The following TOX3 variants were observed in gnomAD, a reference collection of about 807,000 sequenced individuals.
TOX3 encodes CAG trinucleotide repeat-containing gene F9 protein.
TOX3 carries 22 observed loss-of-function variants against 64.3 expected under a neutral mutation model. The observed-to-expected ratio is 0.34, with a 90% CI of 0.24 to 0.49. The LOEUF (loss-of-function observed/expected upper bound fraction) is 0.49. Among genes scored for constraint, TOX3 ranks in the 20% least tolerant of loss-of-function variants. TOX3 has a pLI of 0.99. For missense variants in TOX3, 661 were observed against 714.4 expected (o/e 0.93, Z 0.85); for synonymous variants, 291 against 273.6 (o/e 1.06, Z -0.63).
At chr16:52,481,581 G>T (rs189609602) in intron 1 of TOX3, among the ~76,000 whole-genome samples, 7 of 152,236 alleles carry the variant, frequency 4.6e-5, no homozygotes, top group Admixed American at 3.3e-4. Context: ...TACATCTGAG[G>T]TCTATTAATG....
intron 1 of TOX3, among the ~76,000 whole-genome samples, chr16:52,536,000 A>C (rs933824604): frequency 3.8e-4 from 58 of 152,346 alleles, no homozygotes; most frequent in African/African-American, 1.3e-3. Flanking sequence ...CTATGTCAAC[A>C]CATATTCACT....
chr16:52,484,135 G>A (rs537171295), intron 1 of TOX3, among the ~76,000 whole-genome samples: 1 of 152,252 alleles, frequency 6.6e-6, no homozygotes, highest in Admixed American at 6.5e-5. Flanking sequence ...TTTAAAAGGA[G>A]CCTAAAGTTC....
chr16:52,445,994 C>T lies in TOX3; in HGVS notation c.906G>A (p.Gln302=). ...MWDSLGEEQK[Q]VYKRKTEAAK... ...GAGCCTTGATGGGTCTTTGTCTCAC[C>T]TGCTTTTGTTCTTCTCCAAGGCTGT... The change falls in exon 5 of 7, where the codon CAG becomes CAA. Residue 302 remains glutamine (Q), a splice_region_variant and synonymous_variant. Coordinates refer to ENST00000219746, the MANE Select transcript of TOX3 (RefSeq NM_001080430.4). 2 of 1,612,406 alleles carry T rather than the reference C, an allele frequency of 1.2e-6. No homozygotes were observed. The highest frequency in any genetic ancestry group is 1.7e-6 in the Non-Finnish European group (2 of 1,178,624).
chr16:52,485,265 T>C (rs1463911467), intron 1 of TOX3, among the ~76,000 whole-genome samples: 1 of 147,162 alleles, frequency 6.8e-6, no homozygotes, highest in Admixed American at 6.8e-5. Context: ...TATATATATA[T>C]ATATATACAT....
chr16:52,499,057 GT>G (rs1168936847), intron 1 of TOX3, among the ~76,000 whole-genome samples: 2 of 152,152 alleles, frequency 1.3e-5, no homozygotes, highest in Non-Finnish European at 2.9e-5. Flanking sequence ...AATAAGAGAG[GT>G]GCTGATTTGA....
chr16:52,516,106 G>T (rs1962447300), intron 1 of TOX3, among the ~76,000 whole-genome samples: 1 of 152,232 alleles, frequency 6.6e-6, no homozygotes, highest in African/African-American at 2.4e-5. Context: ...CTGGTCCAAA[G>T]TGTTGGTATT....
chr16:52,504,624 G>C (rs1442419146), intron 1 of TOX3, among the ~76,000 whole-genome samples: 1 of 152,146 alleles, frequency 6.6e-6, no homozygotes, highest in Non-Finnish European at 1.5e-5. Flanking sequence ...GAGACTTAAA[G>C]GATGGAAGAA....
chr16:52,519,199 G>C lies in TOX3; in HGVS notation c.87+27438C>G, dbSNP rs572342629. ...TCAGTTATCTACAAATACTGCGGGG[G>C]CCACAAATTGTTTAAAGCCACTGAA... On this transcript the variant is annotated intron_variant, in intron 1 of 6. Transcript: ENST00000219746. Among the ~76,000 whole-genome samples the C allele has an allele frequency of 2.0e-5, 3 of 152,278 alleles. No homozygotes were observed. The South Asian group carries it at 6.2e-4, about 32-fold the overall frequency.
chr16:52,532,028 G>T (rs1317122767), intron 1 of TOX3, among the ~76,000 whole-genome samples: 1 of 152,174 alleles, frequency 6.6e-6, no homozygotes, highest in Non-Finnish European at 1.5e-5. Context: ...GGGCAGTGGG[G>T]ATACAGGTTG....
At chr16:52,539,244 A>ACG (rs1406955030) in intron 1 of TOX3, among the ~76,000 whole-genome samples, 8 of 152,344 alleles carry the variant, frequency 5.3e-5, no homozygotes, top group African/African-American at 1.9e-4. Flanking sequence ...CCTTCCAAAT[A>ACG]GCTATTAAGA....
Position 52,516,534 on chromosome 16 carries a change from T to A in TOX3, c.87+30103A>T. ...TTTCACTAAAATATACATTTTTTGC[T>A]CAAACTCCAGATTTCTGACATTTCC... On this transcript the variant is annotated intron_variant, in intron 1 of 6. Transcript: ENST00000219746. Among the ~76,000 whole-genome samples, 2 of 152,192 alleles carry A rather than the reference T, an allele frequency of 1.3e-5. 1 individual carries two copies. The highest frequency in any genetic ancestry group is 2.9e-5 in the Non-Finnish European group (2 of 68,024).
chr16:52,533,295 TC>T (rs1286448377), intron 1 of TOX3, among the ~76,000 whole-genome samples: 3 of 152,198 alleles, frequency 2.0e-5, no homozygotes, highest in Admixed American at 6.5e-5. Flanking sequence ...CCACTACCTG[TC>T]TTTTATCCAC....
intron 3 of TOX3, among the ~76,000 whole-genome samples, chr16:52,450,815 AG>A (rs1960319481): frequency 2.0e-5 from 1 of 50,154 alleles, no homozygotes; most frequent in Non-Finnish European, 6.0e-5. Context: ...GAAGGAAGGA[AG>A]GAAGGAAGGA....
At chr16:52,465,232 T>C (rs1247561060) in intron 2 of TOX3, among the ~76,000 whole-genome samples, 1 of 151,600 alleles carries the variant, frequency 6.6e-6, no homozygotes, top group Non-Finnish European at 1.5e-5. Flanking sequence ...GGCAGGATGG[T>C]CTCGATCTCC....
chr16:52,483,679 C>T (rs894190846), intron 1 of TOX3, among the ~76,000 whole-genome samples: 2 of 148,902 alleles, frequency 1.3e-5, no homozygotes, highest in South Asian at 2.2e-4. Context: ...AGTCATTCTC[C>T]TGCCTCAGCC....
chr16:52,461,949 A>G (rs1181785924), intron 3 of TOX3, among the ~76,000 whole-genome samples: 1 of 152,154 alleles, frequency 6.6e-6, no homozygotes, highest in Non-Finnish European at 1.5e-5. Flanking sequence ...GAACAAAGCC[A>G]ACAACACATT....
intron 1 of TOX3, among the ~76,000 whole-genome samples, chr16:52,500,226 G>C (rs1961964613): frequency 6.6e-6 from 1 of 152,168 alleles, no homozygotes; most frequent in South Asian, 2.1e-4. Context: ...TCCTTCTCAT[G>C]TGTTTTAAAC....
chr16:52,447,862 C>T (rs1471101698), intron 4 of TOX3, among the ~76,000 whole-genome samples: 3 of 152,100 alleles, frequency 2.0e-5, no homozygotes, highest in Non-Finnish European at 4.4e-5. Flanking sequence ...CTAGTTGAGT[C>T]AAACAACTAT....
chr16:52,439,078 G>C lies in TOX3; in HGVS notation c.*147C>G. 8.9e-7 allele frequency: 1 copy of C among 1,126,458 alleles called. No individual in the cohort carries two copies. The highest frequency in any genetic ancestry group is 1.4e-5 in the South Asian group (1 of 71,486). 69.8% of individuals were successfully genotyped at this position (1,126,458 alleles called of 1,614,324 possible). On this transcript the variant is annotated 3_prime_UTR_variant, in exon 7 of 7. Transcript: ENST00000219746. ...ACTCAGCTACACTGCAGTTCTTATTGCCTATCTAATAGACACTTGAGAGGA... is the reference window on the plus strand; with the variant it reads ...ACTCAGCTACACTGCAGTTCTTATTCCCTATCTAATAGACACTTGAGAGGA...
Sources: gnomAD v4.1 joint callset for allele counts (sites outside exome capture counted in the v4.1 genomes callset) on GRCh38, gnomAD v4.1.1 for gene constraint, MANE v1.5 for transcripts, NCBI Gene and HGNC (gene_info 2026-07-23, HGNC 2026-07-21) for gene names.